Variants in DLC1 observed in about 807,000 individuals in gnomAD.
DLC1 encodes the protein DLC1 Rho GTPase activating protein.
DLC1 carries 54 observed loss-of-function variants against 140.3 expected under a neutral mutation model. The observed-to-expected ratio is 0.38, with a 90% CI of 0.31 to 0.48. The LOEUF is 0.48. Among genes scored for constraint, DLC1 ranks in the 20% least tolerant of loss-of-function variants. The pLI, the probability that DLC1 is intolerant of heterozygous loss-of-function variation, is 0.96. For synonymous variants in DLC1, 986 were observed against 728.1 expected (o/e 1.35, Z -5.70); for missense variants, 2,536 against 1,907.0 (o/e 1.33, Z -6.14).
At chr8:13,592,907 A>T (rs1396116289) in intron 1 of DLC1, among the ~76,000 whole-genome samples, 2 of 152,124 alleles carry the variant, frequency 1.3e-5, no homozygotes, top group Non-Finnish European at 2.9e-5. Context: ...TAATCCCAGA[A>T]ATCTTACTGA....
chr8:13,207,345 C>T (rs1827715857), intron 5 of DLC1, among the ~76,000 whole-genome samples: 1 of 152,120 alleles, frequency 6.6e-6, no homozygotes, highest in African/African-American at 2.4e-5. Context: ...AAAAATTTTG[C>T]ATCATGACTT....
At chr8:13,426,149 C>T (rs747869879) in intron 2 of DLC1, among the ~76,000 whole-genome samples, 1 of 152,068 alleles carries the variant, frequency 6.6e-6, no homozygotes, top group Non-Finnish European at 1.5e-5. Flanking sequence ...AAGGAAGAAT[C>T]TGATTGGATA....
chr8:13,185,929 A>C (rs1826346091), intron 5 of DLC1, among the ~76,000 whole-genome samples: 1 of 152,160 alleles, frequency 6.6e-6, no homozygotes, highest in Non-Finnish European at 1.5e-5. Context: ...CTGGATATGA[A>C]ATTCTGGGTT....
In DLC1 at chr8:13,088,446, G is replaced by A. The variant is rs930371606; in HGVS notation, c.4292+41C>T. ...GACATATAGGCTTGGTTCATATATGGAGTCATCCTTGTCACAAAAAAACAA... is the reference window on the plus strand; with the variant it reads ...GACATATAGGCTTGGTTCATATATGAAGTCATCCTTGTCACAAAAAAACAA... On this transcript the variant is annotated intron_variant, in intron 16 of 17. Coordinates refer to ENST00000276297, the MANE Select transcript of DLC1 (RefSeq NM_182643.3). 5 of 1,599,060 alleles carry A rather than the reference G, an allele frequency of 3.1e-6. No homozygotes were observed. In the African/African-American group the frequency reaches 5.4e-5, roughly 17 times the overall value.
intron 4 of DLC1, among the ~76,000 whole-genome samples, chr8:13,361,351 C>T (rs956000390): frequency 6.6e-6 from 1 of 151,910 alleles, no homozygotes; most frequent in Non-Finnish European, 1.5e-5. Context: ...AACTCCTGGG[C>T]TCAAGCAATC....
intron 5 of DLC1, among the ~76,000 whole-genome samples, chr8:13,164,965 C>T (rs1824994435): frequency 6.6e-6 from 1 of 152,056 alleles, no homozygotes; most frequent in African/African-American, 2.4e-5. Context: ...AGTTGAAGTA[C>T]CTTTGTAGCC....
At chr8:13,481,164 C>T (rs1238579779) in intron 2 of DLC1, among the ~76,000 whole-genome samples, 3 of 152,116 alleles carry the variant, frequency 2.0e-5, no homozygotes, top group African/African-American at 7.2e-5. Context: ...GTTGCTCACG[C>T]CTGTAATCCC....
chr8:13,276,669 G>T, intron 5 of DLC1: 3 of 1,063,552 alleles, frequency 2.8e-6, no homozygotes, highest in Non-Finnish European at 3.5e-6. Flanking sequence ...GAGGCGTCTC[G>T]CTTCCTGTGC....
At chr8:13,382,631 G>A (rs11985642) in intron 4 of DLC1, among the ~76,000 whole-genome samples, 22,384 of 150,758 alleles carry the variant, frequency 0.15, 1,803 homozygotes, top group Non-Finnish European at 0.17. Context: ...AGCCTTTCTA[G>A]ACAGCAAATG....
chr8:13,556,064 T>C (rs1378460005), intron 1 of DLC1, among the ~76,000 whole-genome samples: 1 of 151,406 alleles, frequency 6.6e-6, no homozygotes, highest in Non-Finnish European at 1.5e-5. Context: ...TGGCCAGGAG[T>C]AAGTTAATGG....
At chr8:13,261,887 A>T (rs1243040205) in intron 5 of DLC1, among the ~76,000 whole-genome samples, 1 of 152,246 alleles carries the variant, frequency 6.6e-6, no homozygotes, top group Non-Finnish European at 1.5e-5. Flanking sequence ...ATGATAACAG[A>T]ATCTACTTCA....
At chr8:13,365,516 A>G (rs1370326926) in intron 4 of DLC1, among the ~76,000 whole-genome samples, 1 of 152,144 alleles carries the variant, frequency 6.6e-6, no homozygotes, top group Non-Finnish European at 1.5e-5. Context: ...ACACCTGTGA[A>G]TGCGTTGGAG....
chr8:13,414,892 C>T (rs546965022), intron 2 of DLC1, among the ~76,000 whole-genome samples: 3 of 152,032 alleles, frequency 2.0e-5, no homozygotes, highest in South Asian at 4.2e-4. Context: ...CCCACTGCAA[C>T]CTCCACCTCC....
intron 2 of DLC1, among the ~76,000 whole-genome samples, chr8:13,454,588 C>G (rs1217414723): frequency 1.3e-5 from 2 of 152,150 alleles, no homozygotes; most frequent in Admixed American, 6.5e-5. Flanking sequence ...TAGGGTCTTG[C>G]TCTGTCATCC....
At chr8:13,508,402 T>C (rs1802203368) in intron 1 of DLC1, among the ~76,000 whole-genome samples, 1 of 149,862 alleles carries the variant, frequency 6.7e-6, no homozygotes, top group Non-Finnish European at 1.5e-5. Flanking sequence ...TATTGCTTTA[T>C]GGATGTAGTA....
chr8:13,508,127 C>G (rs962800063), intron 1 of DLC1, among the ~76,000 whole-genome samples: 3 of 152,132 alleles, frequency 2.0e-5, no homozygotes, highest in African/African-American at 4.8e-5. Context: ...TTTTTACGTC[C>G]AGGTTGCTGC....
At chr8:13,428,274 C>T (rs1838689833) in intron 2 of DLC1, among the ~76,000 whole-genome samples, 1 of 151,918 alleles carries the variant, frequency 6.6e-6, no homozygotes, top group South Asian at 2.1e-4. Flanking sequence ...TCATTTCAAG[C>T]ATACATGTGG....
chr8:13,266,190 A>G (rs760215487), intron 5 of DLC1, among the ~76,000 whole-genome samples: 2 of 152,264 alleles, frequency 1.3e-5, no homozygotes, highest in Non-Finnish European at 2.9e-5. Context: ...CTGAATGCAT[A>G]TTTTATAAAC....
intron 2 of DLC1, among the ~76,000 whole-genome samples, chr8:13,463,396 GGACATGGA>G (rs1468342119): frequency 1.3e-5 from 2 of 152,104 alleles, no homozygotes; most frequent in Non-Finnish European, 2.9e-5. Flanking sequence ...AGACCTGTTA[GGACATGGA>G]GTACTTTCTT....
Sources: gnomAD v4.1 joint callset for allele counts (sites outside exome capture counted in the v4.1 genomes callset) on GRCh38, gnomAD v4.1.1 for gene constraint, MANE v1.5 for transcripts, NCBI Gene and HGNC (gene_info 2026-07-23, HGNC 2026-07-21) for gene names.